CDC37L1: variants seen among roughly 807,000 people sequenced by gnomAD.
CDC37L1 encodes the protein hsp90 co-chaperone Cdc37-like 1.
In CDC37L1, 32 loss-of-function variants were observed where a neutral mutation model predicts 45.9. The observed-to-expected ratio is 0.70, with a 90% CI of 0.53 to 0.94. The LOEUF is 0.94. CDC37L1 is among the 40% of genes least tolerant of loss of function. CDC37L1 has a pLI of 0.00. For synonymous variants in CDC37L1, 150 were observed against 133.0 expected (o/e 1.13, Z -0.88); for missense variants, 434 against 405.7 (o/e 1.07, Z -0.60).
At chr9:4,691,753 A>C (rs1841302761) in intron 3 of CDC37L1, among the ~76,000 whole-genome samples, 1 of 152,208 alleles carries the variant, frequency 6.6e-6, no homozygotes. Context: ...ACCTAGTGGT[A>C]AATGGTACAA....
At chr9:4,702,979 GC>G in intron 6 of CDC37L1, 1 of 1,112,596 alleles carries the variant, frequency 9.0e-7, no homozygotes, top group Non-Finnish European at 1.2e-6. Flanking sequence ...CCACTGGTCT[GC>G]CTGATGCTAG....
At chr9:4,685,856 A>G (rs1394219137) in intron 2 of CDC37L1, among the ~76,000 whole-genome samples, 1 of 152,204 alleles carries the variant, frequency 6.6e-6, no homozygotes, top group Non-Finnish European at 1.5e-5. Flanking sequence ...TAAATGTGGA[A>G]TAAAATGATA....
intron 2 of CDC37L1, among the ~76,000 whole-genome samples, chr9:4,688,191 G>C (rs953291176): frequency 2.0e-5 from 3 of 152,106 alleles, no homozygotes; most frequent in African/African-American, 7.2e-5. Flanking sequence ...GTAGAGACGG[G>C]GTTTCACTAT....
At chr9:4,704,758 C>A (rs146654011) in intron 6 of CDC37L1, among the ~76,000 whole-genome samples, 32 of 152,088 alleles carry the variant, frequency 2.1e-4, no homozygotes, top group African/African-American at 7.2e-4. Flanking sequence ...TGACAGCAAT[C>A]GTGTGAAATA....
At chr9:4,685,235 G>A in intron 2 of CDC37L1, 77 bp downstream of exon 2, 4 of 1,110,024 alleles carry the variant, frequency 3.6e-6, no homozygotes, top group African/African-American at 1.6e-5. Flanking sequence ...GTATTTGGTA[G>A]CAAAGCAGCA....
chr9:4,683,430 G>T (rs147377147), intron 1 of CDC37L1, among the ~76,000 whole-genome samples: 1 of 152,112 alleles, frequency 6.6e-6, no homozygotes, highest in East Asian at 1.9e-4. Flanking sequence ...AAAAGTTTAG[G>T]GCATGCCAGA....
At chr9:4,684,397 G>T (rs10815056) in intron 1 of CDC37L1, among the ~76,000 whole-genome samples, 48,529 of 151,932 alleles carry the variant, frequency 0.32, 8,552 homozygotes, top group African/African-American at 0.48. Context: ...AAATCACCAA[G>T]GATTGGAAAA....
intron 3 of CDC37L1, among the ~76,000 whole-genome samples, chr9:4,694,522 A>G (rs1841328899): frequency 6.6e-6 from 1 of 152,212 alleles, no homozygotes; most frequent in Non-Finnish European, 1.5e-5. Context: ...TAAAAAAAAA[A>G]TGTATTTTCA....
chr9:4,705,496 A>G (rs1040434245), intron 6 of CDC37L1, among the ~76,000 whole-genome samples: 2 of 152,144 alleles, frequency 1.3e-5, no homozygotes, highest in Non-Finnish European at 2.9e-5. Flanking sequence ...ATACATCTCA[A>G]AAGTGTACAG....
intron 3 of CDC37L1, among the ~76,000 whole-genome samples, chr9:4,693,148 A>G (rs1241819354): frequency 1.3e-5 from 2 of 152,128 alleles, no homozygotes; most frequent in Non-Finnish European, 2.9e-5. Flanking sequence ...GTTTGTTAAA[A>G]TATATCATTC....
intron 2 of CDC37L1, among the ~76,000 whole-genome samples, chr9:4,687,689 A>AAG (rs1841260739): frequency 6.6e-6 from 1 of 150,794 alleles, no homozygotes; most frequent in African/African-American, 2.4e-5. Flanking sequence ...AAAAAAAAAA[A>AAG]AAAAAAAAAA....
intron 2 of CDC37L1, among the ~76,000 whole-genome samples, chr9:4,686,598 T>G (rs1479358108): frequency 6.6e-6 from 1 of 152,248 alleles, no homozygotes; most frequent in Non-Finnish European, 1.5e-5. Context: ...GAAAATATTT[T>G]CATTTTGTCT....
rs1208462978 is a variant in CDC37L1, at chr9:4,679,575, C to G, written c.-193C>G. 9.6e-6 allele frequency: 5 copies of G among 518,996 alleles called. No individual in the cohort carries two copies. The highest frequency in any genetic ancestry group is 7.4e-5 in the Admixed American group (2 of 26,906). The allele number at this position is 518,996 out of a possible 1,614,324, so 32.1% of individuals were successfully genotyped here. The stretch of plus-strand genomic sequence containing the variant: ...CGCACCGCGCCGACTATTTCTTCCG[C>G]CGTCCGCCGGTGGCGAGGCCCAGGC... On this transcript the variant is annotated 5_prime_UTR_variant, in exon 1 of 7. Coordinates refer to ENST00000381854, the MANE Select transcript of CDC37L1 (RefSeq NM_017913.4).
chr9:4,687,743 TAAAG>T (rs1420873523), intron 2 of CDC37L1, among the ~76,000 whole-genome samples: 1 of 149,972 alleles, frequency 6.7e-6, no homozygotes, highest in African/African-American at 2.4e-5. Flanking sequence ...TATGTCTTAA[TAAAG>T]AATTTACGGT....
rs1563766411 is a variant in CDC37L1 at position 4,682,159 on chromosome 9, C to CTTT, written c.132+2261_132+2262insTTT. On this transcript the variant is annotated intron_variant, in intron 1 of 6. Coordinates refer to ENST00000381854, the MANE Select transcript of CDC37L1 (RefSeq NM_017913.4). Reference sequence around the variant, plus strand: ...TACTTTTCTTGATATATTATCCTTTCTCTTTTTTTTTTTTTTTTTTTGAGG... The same window carrying CTTT: ...TACTTTTCTTGATATATTATCCTTTCTTTTCTTTTTTTTTTTTTTTTTTTGAGG... Among the ~76,000 whole-genome samples, 59 of 48,436 alleles carry CTTT rather than the reference C, an allele frequency of 1.2e-3. 7 individuals carry two copies. Among genetic ancestry groups the CTTT allele is most frequent in the African/African-American group, 2.8e-3 (17 of 6,014 alleles). 31.8% of individuals were successfully genotyped at this position (48,436 alleles called of 152,430 possible). A position where few individuals can be genotyped will look rare whatever the true frequency, so the allele number is the denominator to read the frequency against.
rs1261091285 is a variant in CDC37L1, at chr9:4,706,104, A to G, written c.1006A>G (p.Thr336Ala). ...AGATGATGAACCCAAAATGATGGACACTGTATAATTTGGTTAAGACTGCTG... is the reference window on the plus strand; with the variant it reads ...AGATGATGAACCCAAAATGATGGACGCTGTATAATTTGGTTAAGACTGCTG... ...KEDDEPKMMD[T>A]V Residue 336 changes from threonine to alanine, a missense_variant, in exon 7 of 7, where the codon ACT (threonine) becomes GCT (alanine). Transcript: ENST00000381854. The G allele has an allele frequency of 1.4e-5, 22 of 1,564,376 alleles. No individual in the cohort carries two copies. The highest frequency in any genetic ancestry group is 1.7e-5 in the Non-Finnish European group (19 of 1,135,094).
At chr9:4,684,730 T>C in intron 1 of CDC37L1, 147 bp from the exon 2 acceptor site, 1 of 568,136 alleles carries the variant, frequency 1.8e-6, no homozygotes, top group Non-Finnish European at 3.1e-6. Flanking sequence ...AGGACTAAGA[T>C]ATAAAAACAT....
intron 1 of CDC37L1, among the ~76,000 whole-genome samples, chr9:4,682,304 A>C (rs1382270977): frequency 7.1e-6 from 1 of 140,886 alleles, no homozygotes. Context: ...CTGGGATTAC[A>C]GGTGCCCACC....
At chr9:4,697,455 T>C (rs1219009438) in intron 4 of CDC37L1, among the ~76,000 whole-genome samples, 3 of 152,132 alleles carry the variant, frequency 2.0e-5, no homozygotes, top group African/African-American at 7.2e-5. Context: ...TCCACCTCCA[T>C]CTCTCTTGTT....
Sources: allele counts gnomAD v4.1 joint callset (sites outside exome capture counted in the v4.1 genomes callset), GRCh38; gene constraint gnomAD v4.1.1; transcripts MANE v1.5; gene names NCBI Gene and HGNC (gene_info 2026-07-23, HGNC 2026-07-21).